Variants in TBC1D22A observed in about 807,000 individuals in gnomAD.
TBC1D22A encodes putative GTPase activator.
A neutral mutation model predicts 60.2 loss-of-function variants in TBC1D22A; 38 were observed. The observed-to-expected ratio is 0.63, with a 90% CI of 0.49 to 0.83. TBC1D22A has a LOEUF of 0.83. Among genes scored for constraint, TBC1D22A ranks in the 40% least tolerant of loss-of-function variants. TBC1D22A has a pLI of 0.00. For synonymous variants in TBC1D22A, 302 were observed against 281.7 expected (o/e 1.07, Z -0.72); for missense variants, 628 against 701.0 (o/e 0.90, Z 1.18).
chr22:47,058,986 C>T (rs961770593), intron 11 of TBC1D22A, among the ~76,000 whole-genome samples: 1 of 152,154 alleles, frequency 6.6e-6, no homozygotes, highest in African/African-American at 2.4e-5. Flanking sequence ...ACAAGAACTG[C>T]GGAGTGTCCA....
intron 12 of TBC1D22A, among the ~76,000 whole-genome samples, chr22:47,140,566 AAAAGAAAG>A (rs546151541): frequency 1.3e-5 from 2 of 150,616 alleles, no homozygotes; most frequent in East Asian, 1.9e-4. Context: ...AAAAAAAAAA[AAAAGAAAG>A]AAAGAAAGAA....
intron 12 of TBC1D22A, among the ~76,000 whole-genome samples, chr22:47,156,183 C>G (rs567974007): frequency 1.3e-5 from 2 of 152,312 alleles, no homozygotes; most frequent in African/African-American, 4.8e-5. Flanking sequence ...TTCACAGGCT[C>G]TGCGGAAGGT....
At position 47,028,183 on chromosome 22, in the gene TBC1D22A, A is replaced by C. The variant is rs2062325131; in HGVS notation, c.1202-8888A>C. On this transcript the variant is annotated intron_variant, in intron 10 of 12. Transcript: ENST00000337137. This position sits in a 1 kb window ranked among gnomAD's most constrained non-coding sequence, Gnocchi z 4.4. Reference sequence around the variant, plus strand: ...TTTTAGATTATGTTACTGTCAAAAAAATAGACCTCAATACCTCTCTAGAGA... The same window carrying C: ...TTTTAGATTATGTTACTGTCAAAAACATAGACCTCAATACCTCTCTAGAGA... 1.3e-5 allele frequency among the ~76,000 whole-genome samples: 2 copies of C among 152,240 alleles called. No homozygotes were observed. The highest frequency in any genetic ancestry group is 1.3e-4 in the Admixed American group (2 of 15,288).
At chr22:47,087,030 T>A (rs1198249131) in intron 11 of TBC1D22A, among the ~76,000 whole-genome samples, 1 of 152,242 alleles carries the variant, frequency 6.6e-6, no homozygotes, top group Non-Finnish European at 1.5e-5. Context: ...GGAATGTGGG[T>A]GCTCCGTCTG....
chr22:46,860,899 A>T (rs974395240), intron 4 of TBC1D22A, among the ~76,000 whole-genome samples: 1 of 152,234 alleles, frequency 6.6e-6, no homozygotes, highest in South Asian at 2.1e-4. Context: ...GGTGCACATC[A>T]GCTTCCACTT....
At chr22:47,137,549 G>T (rs2066920485) in intron 12 of TBC1D22A, among the ~76,000 whole-genome samples, 1 of 152,180 alleles carries the variant, frequency 6.6e-6, no homozygotes, top group African/African-American at 2.4e-5. Flanking sequence ...GGATACCTCT[G>T]CCCAAAGCCC....
intron 11 of TBC1D22A, among the ~76,000 whole-genome samples, chr22:47,078,531 C>T (rs1301841548): frequency 6.6e-6 from 1 of 152,172 alleles, no homozygotes; most frequent in African/African-American, 2.4e-5. Context: ...AGGAGTAAAC[C>T]AAATGGAATA....
chr22:46,882,908 T>C (rs2067922573), intron 5 of TBC1D22A, among the ~76,000 whole-genome samples: 1 of 152,242 alleles, frequency 6.6e-6, no homozygotes, highest in Non-Finnish European at 1.5e-5. Context: ...TTTTAATTGA[T>C]GAGTGGGCAG....
intron 11 of TBC1D22A, among the ~76,000 whole-genome samples, chr22:47,087,952 A>C (rs2064767080): frequency 6.6e-6 from 1 of 152,098 alleles, no homozygotes; most frequent in African/African-American, 2.4e-5. Context: ...GGGCGCCTGT[A>C]GTTCCAGCTA....
intron 11 of TBC1D22A, among the ~76,000 whole-genome samples, chr22:47,078,928 C>G (rs1182364722): frequency 2.0e-5 from 3 of 152,250 alleles, no homozygotes; most frequent in African/African-American, 7.2e-5. Context: ...CCGATTCCAT[C>G]AGTTTACAGA....
rs979047159 is a variant in TBC1D22A, at chr22:47,036,355, C to T, written c.1202-716C>T. 7.9e-5 allele frequency among the ~76,000 whole-genome samples: 12 copies of T among 152,298 alleles called. No individual in the cohort carries two copies. The South Asian group carries it at 8.3e-4, about 11-fold the overall frequency. ...GGGATTTTGCCTCCAGGAGTGACAC[C>T]GCCAGGACTCAGCAGGGGGTGAGGC... On this transcript the variant is annotated intron_variant, in intron 10 of 12. Coordinates refer to ENST00000337137, the MANE Select transcript of TBC1D22A (RefSeq NM_014346.5).
chr22:46,941,636 GCGGAATATATATA>G (rs1039323221), intron 8 of TBC1D22A, among the ~76,000 whole-genome samples: 16 of 140,546 alleles, frequency 1.1e-4, no homozygotes, highest in African/African-American at 3.1e-4. Context: ...ATATATATAC[GCGGAATATATATA>G]CGGAATATAT....
intron 4 of TBC1D22A, among the ~76,000 whole-genome samples, chr22:46,857,610 A>C (rs1372327317): frequency 6.6e-6 from 1 of 152,300 alleles, no homozygotes; most frequent in African/African-American, 2.4e-5. Context: ...GAACAATTTC[A>C]TCATCTCACA....
At chr22:47,096,835 AT>A (rs951652220) in intron 11 of TBC1D22A, among the ~76,000 whole-genome samples, 30 of 152,214 alleles carry the variant, frequency 2.0e-4, no homozygotes, top group African/African-American at 6.5e-4. Context: ...AAAAATAAAA[AT>A]AAATAAATAA....
At chr22:47,119,720 C>G (rs932404032) in intron 12 of TBC1D22A, among the ~76,000 whole-genome samples, 3 of 152,200 alleles carry the variant, frequency 2.0e-5, no homozygotes, top group African/African-American at 7.2e-5. Flanking sequence ...TGGTCTCGAA[C>G]TCCTGACCTC....
At chr22:46,939,864 T>G (rs2147933514) in intron 8 of TBC1D22A, among the ~76,000 whole-genome samples, 1 of 152,282 alleles carries the variant, frequency 6.6e-6, no homozygotes, top group Admixed American at 6.5e-5. Context: ...AGGGGACCTA[T>G]GAGAGAGGAA....
chr22:47,054,840 C>T (rs571744051), intron 11 of TBC1D22A, among the ~76,000 whole-genome samples: 7 of 152,258 alleles, frequency 4.6e-5, no homozygotes, highest in East Asian at 3.9e-4. Context: ...CCCTACTTCC[C>T]GTTGTTAACT....
At chr22:47,052,848 G>A (rs2063271495) in intron 11 of TBC1D22A, among the ~76,000 whole-genome samples, 3 of 152,322 alleles carry the variant, frequency 2.0e-5, no homozygotes, top group African/African-American at 7.2e-5. Flanking sequence ...GGTGGTGCCC[G>A]TCTGTGTTGG....
intron 8 of TBC1D22A, among the ~76,000 whole-genome samples, chr22:46,918,139 G>A (rs368409228): frequency 5.3e-5 from 8 of 152,366 alleles, no homozygotes; most frequent in African/African-American, 1.7e-4. Context: ...ATGGAACGCA[G>A]TAAGTGTCCA....
Sources: gnomAD v4.1 joint callset for allele counts (sites outside exome capture counted in the v4.1 genomes callset) on GRCh38, gnomAD v4.1.1 for gene constraint, Gnocchi (gnomAD v3.1) non-coding constraint, MANE v1.5 for transcripts, NCBI Gene and HGNC (gene_info 2026-07-23, HGNC 2026-07-21) for gene names.